The following TTC6 variants were observed in gnomAD, a reference collection of about 807,000 sequenced individuals.
TTC6 encodes the protein tetratricopeptide repeat domain 6.
Under a neutral mutation model 210.4 loss-of-function variants are expected in TTC6, and 172 were observed. That is an observed-to-expected ratio of 0.82 (90% confidence interval 0.72 to 0.93). The LOEUF (loss-of-function observed/expected upper bound fraction) is 0.93. TTC6 is among the 40% of genes least tolerant of loss of function. The probability of loss-of-function intolerance (pLI) is 0.00; values close to 1 mark genes in which losing one functional copy is unlikely to be tolerated. For synonymous variants in TTC6, 804 were observed against 819.6 expected (o/e 0.98, Z 0.32); for missense variants, 2,414 against 2,318.1 (o/e 1.04, Z -0.85).
At chr14:37,770,807 A>C (rs2096015756) in intron 14 of TTC6, among the ~76,000 whole-genome samples, 1 of 148,692 alleles carries the variant, frequency 6.7e-6, no homozygotes, top group Non-Finnish European at 1.5e-5. Context: ...ATTTACATTT[A>C]AAGTTAATAT....
rs2095710411 is a variant in TTC6, at chr14:37,651,175, T to TA, written c.939+28173dup. ...TTATGAATTTTCTTTACTTAGTTGT[T>TA]ACATTGTAAAATTGAGGTGAAGCTG... On this transcript the variant is annotated intron_variant, in intron 1 of 30. Coordinates refer to ENST00000553443, the Ensembl canonical transcript of TTC6. Among the ~76,000 whole-genome samples the TA allele has an allele frequency of 2.6e-5, 4 of 152,026 alleles. No homozygotes were observed. The South Asian group carries it at 8.3e-4, about 32-fold the overall frequency.
At chr14:37,615,328 A>G (rs140289564) in intron 2 of TTC6, among the ~76,000 whole-genome samples, 1 of 152,138 alleles carries the variant, frequency 6.6e-6, no homozygotes, top group East Asian at 1.9e-4. Flanking sequence ...AAACATAATT[A>G]TTTTTTATTT....
At chr14:37,701,356 G>A (rs938208242) in exon 5 of TTC6, 99 of 1,452,730 alleles carry the variant, frequency 6.8e-5, no homozygotes, top group South Asian at 1.9e-4. Context: ...ACTCCATGCC[G>A]CACCTTCATG....
chr14:37,837,513 G>A, intron 29 of TTC6: 1 of 426,154 alleles, frequency 2.3e-6, no homozygotes, highest in Non-Finnish European at 4.7e-6. Context: ...TAATTAAGAG[G>A]AAGCAAAGTT....
At chr14:37,703,056 T>G (rs2095828510) in intron 5 of TTC6, among the ~76,000 whole-genome samples, 1 of 152,092 alleles carries the variant, frequency 6.6e-6, no homozygotes, top group Non-Finnish European at 1.5e-5. Context: ...AAAATAGCAG[T>G]TCAGCATGAC....
chr14:37,631,376 A>C lies in TTC6; in HGVS notation c.939+8373A>C, dbSNP rs143817502. On this transcript the variant is annotated intron_variant, in intron 1 of 30. Coordinates refer to ENST00000553443, the Ensembl canonical transcript of TTC6. Reference sequence around the variant, plus strand: ...TATTTCTCCTTCACTTATGAAGCTTAGTTTGGCTGGATATGAAATTCTGGG... The same window carrying C: ...TATTTCTCCTTCACTTATGAAGCTTCGTTTGGCTGGATATGAAATTCTGGG... Among the ~76,000 whole-genome samples the C allele has an allele frequency of 7.6e-3, 1,162 of 152,232 alleles. 57 individuals are homozygous for C. The highest frequency in any genetic ancestry group is 0.069 in the Admixed American group (1,052 of 15,286).
intron 29 of TTC6, among the ~76,000 whole-genome samples, chr14:37,829,280 C>A (rs2096179286): frequency 6.6e-6 from 1 of 151,832 alleles, no homozygotes; most frequent in Non-Finnish European, 1.5e-5. Context: ...ATGATCAATA[C>A]ATTTGATCTT....
At chr14:37,647,262 T>A (rs1225071672) in intron 1 of TTC6, among the ~76,000 whole-genome samples, 2 of 152,150 alleles carry the variant, frequency 1.3e-5, no homozygotes, top group Non-Finnish European at 2.9e-5. Flanking sequence ...TGATCTTGTT[T>A]TAAAGGGATT....
chr14:37,787,402 C>T (rs1261522533), intron 14 of TTC6, 66 bp from the exon 17 acceptor site: 4 of 1,096,336 alleles, frequency 3.6e-6, no homozygotes, highest in Non-Finnish European at 4.9e-6. Flanking sequence ...ATTAGTTGTA[C>T]AGGTTTACCA....
chr14:37,812,475 G>T lies in TTC6; in HGVS notation c.4689+42G>T. 2.0e-6 allele frequency: 3 copies of T among 1,509,304 alleles called. No homozygotes were observed. In the South Asian group the frequency reaches 4.1e-5, roughly 20 times the overall value. 93.5% of individuals were successfully genotyped at this position (1,509,304 alleles called of 1,614,324 possible). Reference sequence around the variant, plus strand: ...TGTAACCCACTTGATTTTGCACATTGACTTCTGAGAACTAGTGAACAAGAT... The same window carrying T: ...TGTAACCCACTTGATTTTGCACATTTACTTCTGAGAACTAGTGAACAAGAT... On this transcript the variant is annotated intron_variant, in intron 25 of 30. Coordinates refer to ENST00000553443, the Ensembl canonical transcript of TTC6.
chr14:37,773,916 T>A (rs991114748), intron 14 of TTC6, among the ~76,000 whole-genome samples: 2 of 152,178 alleles, frequency 1.3e-5, no homozygotes, highest in South Asian at 2.1e-4. Flanking sequence ...CGTTTGTTTG[T>A]GGTCATCTCT....
chr14:37,623,047 T>A, intron 1 of TTC6, 44 bp downstream of exon 3: 1 of 1,360,692 alleles, frequency 7.3e-7, no homozygotes, highest in East Asian at 2.6e-5. Context: ...CAAATGCAAT[T>A]TGGGTTACAT....
chr14:37,658,691 A>G (rs2095730270), intron 1 of TTC6, among the ~76,000 whole-genome samples: 1 of 152,240 alleles, frequency 6.6e-6, no homozygotes, highest in African/African-American at 2.4e-5. Flanking sequence ...GCACATAGCA[A>G]AAACTACATT....
At chr14:37,758,277 G>A (rs965757967) in intron 14 of TTC6, among the ~76,000 whole-genome samples, 2 of 152,152 alleles carry the variant, frequency 1.3e-5, no homozygotes, top group African/African-American at 4.8e-5. Context: ...ATTGACAATG[G>A]AATGATAAAG....
intron 2 of TTC6, among the ~76,000 whole-genome samples, chr14:37,607,476 T>C (rs2095627200): frequency 6.6e-6 from 1 of 152,230 alleles, no homozygotes; most frequent in Admixed American, 6.5e-5. Context: ...ATACTAAAGA[T>C]ACTAAATTGA....
chr14:37,694,661 G>A lies in TTC6; in HGVS notation c.1258-2056G>A, dbSNP rs548379177. Among the ~76,000 whole-genome samples, 26 of 152,260 alleles carry A rather than the reference G, an allele frequency of 1.7e-4. 1 individual carries two copies. The South Asian group carries it at 5.2e-3, about 30-fold the overall frequency. On this transcript the variant is annotated intron_variant, in intron 3 of 30. Coordinates refer to ENST00000553443, the Ensembl canonical transcript of TTC6. ...GCAGCACTGGTCACACAACAGCCAAGATTTGAAAGCAACCTAAGTGTCCGT... is the reference window on the plus strand; with the variant it reads ...GCAGCACTGGTCACACAACAGCCAAAATTTGAAAGCAACCTAAGTGTCCGT...
chr14:37,599,718 G>A (rs1340888133), intron 1 of TTC6, among the ~76,000 whole-genome samples: 2 of 152,184 alleles, frequency 1.3e-5, no homozygotes, highest in South Asian at 2.1e-4. Context: ...GTATTCAAAT[G>A]AGAAAGACTG....
chr14:37,690,284 A>T (rs1166677106), intron 3 of TTC6, among the ~76,000 whole-genome samples: 1 of 152,126 alleles, frequency 6.6e-6, no homozygotes, highest in Non-Finnish European at 1.5e-5. Context: ...AGCCACCTTT[A>T]CTAAAAGGAA....
chr14:37,616,969 T>C (rs949839118), intron 2 of TTC6, among the ~76,000 whole-genome samples: 1 of 152,142 alleles, frequency 6.6e-6, no homozygotes, highest in Admixed American at 6.5e-5. Flanking sequence ...CTTGACCTCC[T>C]GGGCTCAAGC....
Sources: allele counts gnomAD v4.1 joint callset (sites outside exome capture counted in the v4.1 genomes callset), GRCh38; gene constraint gnomAD v4.1.1; transcripts MANE v1.5; gene names NCBI Gene and HGNC (gene_info 2026-07-23, HGNC 2026-07-21).